The following ROBO1 variants were observed in gnomAD, a reference collection of about 807,000 sequenced individuals.
ROBO1 encodes roundabout guidance receptor 1.
In ROBO1, 149 loss-of-function variants were observed where a neutral mutation model predicts 195.9. The ratio of observed to expected loss-of-function variants is 0.76; its 90% CI spans 0.67 to 0.87. The LOEUF is 0.87. Ranked by LOEUF, ROBO1 falls within the 40% of genes least tolerant of loss-of-function variation. ROBO1 has a pLI of 0.00. For synonymous variants in ROBO1, 816 were observed against 733.2 expected (o/e 1.11, Z -1.82); for missense variants, 1,933 against 2,068.3 (o/e 0.93, Z 1.27).
At chr3:78,691,465 G>A (rs779653404) in intron 8 of ROBO1, among the ~76,000 whole-genome samples, 19 of 152,052 alleles carry the variant, frequency 1.2e-4, no homozygotes, top group Non-Finnish European at 2.6e-4. Context: ...TTTAAGGACT[G>A]TTTAATAAAC....
intron 4 of ROBO1, among the ~76,000 whole-genome samples, chr3:78,816,665 C>A (rs1445312406): frequency 6.6e-6 from 1 of 152,106 alleles, no homozygotes; most frequent in Non-Finnish European, 1.5e-5. Flanking sequence ...TTTATTTCAA[C>A]CCTCATGAAT....
intron 2 of ROBO1, among the ~76,000 whole-genome samples, chr3:79,235,681 C>A (rs544939493): frequency 1.0e-3 from 158 of 152,212 alleles, no homozygotes; most frequent in Non-Finnish European, 1.6e-3. Flanking sequence ...AGTGCTGTTT[C>A]CTTTTCCCAC....
intron 2 of ROBO1, among the ~76,000 whole-genome samples, chr3:79,442,319 G>C (rs1227968696): frequency 2.0e-5 from 3 of 152,018 alleles, no homozygotes; most frequent in Non-Finnish European, 4.4e-5. Context: ...TATTGTGGTG[G>C]TAATATAAAA....
rs56857468 is a variant in ROBO1, at chr3:79,617,921, TAAAA to T, written c.-50-27964_-50-27961del. Among the ~76,000 whole-genome samples, 520 of 144,418 alleles carry T rather than the reference TAAAA, an allele frequency of 3.6e-3. 2 individuals are homozygous for T. Among genetic ancestry groups the T allele is most frequent in the Non-Finnish European group, 4.7e-3 (311 of 66,438 alleles). The allele number at this position is 144,418 out of a possible 152,430, so 94.7% of individuals were successfully genotyped here. ...TGAAAAATTGACTAAAGAGATATAT[TAAAA>T]AAAAAAAAAAGAACTTCTGGAAATA... is the stretch of plus-strand genomic sequence containing the variant. On this transcript the variant is annotated intron_variant, in intron 1 of 30. Transcript: ENST00000464233.
intron 1 of ROBO1, among the ~76,000 whole-genome samples, chr3:79,746,426 T>C (rs1703879795): frequency 6.6e-6 from 1 of 152,094 alleles, no homozygotes; most frequent in Admixed American, 6.5e-5. Context: ...TAAACCATAA[T>C]TATTTTACAA....
At chr3:78,912,645 T>A (rs942234934) in intron 4 of ROBO1, among the ~76,000 whole-genome samples, 2 of 152,174 alleles carry the variant, frequency 1.3e-5, no homozygotes, top group Non-Finnish European at 2.9e-5. Context: ...GTATTTGTGA[T>A]AATATCATCA....
chr3:79,354,486 C>T (rs1559840182), intron 2 of ROBO1, among the ~76,000 whole-genome samples: 1 of 152,138 alleles, frequency 6.6e-6, no homozygotes, highest in Non-Finnish European at 1.5e-5. Flanking sequence ...ACTGGAACTG[C>T]CTAGGAGAAT....
chr3:79,490,171 C>A (rs764230730), intron 2 of ROBO1, among the ~76,000 whole-genome samples: 41 of 152,078 alleles, frequency 2.7e-4, no homozygotes, highest in Admixed American at 5.9e-4. Flanking sequence ...GCTTTTTTAT[C>A]TCTTACTAGA....
chr3:79,297,807 CT>C (rs1451922361), intron 2 of ROBO1, among the ~76,000 whole-genome samples: 1 of 152,042 alleles, frequency 6.6e-6, no homozygotes, highest in African/African-American at 2.4e-5. Context: ...AATAAGCCAA[CT>C]GCTAGGATTT....
At chr3:79,664,611 C>T (rs1293619985) in intron 1 of ROBO1, among the ~76,000 whole-genome samples, 3 of 152,020 alleles carry the variant, frequency 2.0e-5, no homozygotes, top group Non-Finnish European at 4.4e-5. Context: ...TGGCAGCTAT[C>T]GTCTTCTTAC....
At chr3:79,056,127 T>A (rs2108383920) in intron 3 of ROBO1, among the ~76,000 whole-genome samples, 1 of 152,228 alleles carries the variant, frequency 6.6e-6, no homozygotes, top group Middle Eastern at 3.4e-3. Context: ...TCTTAAAGAT[T>A]GTTTTTTTCA....
chr3:79,462,384 G>T (rs551841038), intron 2 of ROBO1, among the ~76,000 whole-genome samples: 29 of 152,294 alleles, frequency 1.9e-4, no homozygotes, highest in African/African-American at 6.0e-4. Flanking sequence ...TCAAAGGCAT[G>T]TTGGAGAATG....
At position 78,717,816 on chromosome 3, in the gene ROBO1, C is replaced by T. The variant is rs2081940506; in HGVS notation, c.725G>A (p.Gly242Asp). 6.2e-7 allele frequency: 1 copy of T among 1,613,578 alleles called. No homozygotes were observed. The highest frequency in any genetic ancestry group is 8.5e-7 in the Non-Finnish European group (1 of 1,179,724). Residue 242 changes from glycine to aspartate, a missense_variant, in exon 6 of 31, where the codon GGT becomes GAT. Transcript: ENST00000464233. ...CTCACGTTCCCCAACCATATTGGTACCAACACAAACATATTTGCCAGCGTC... is the reference window on the plus strand; with the variant it reads ...CTCACGTTCCCCAACCATATTGGTATCAACACAAACATATTTGCCAGCGTC... ...KSDAGKYVCV[G>D]TNMVGERESE...
At chr3:78,646,971 G>T (rs1706333741) in intron 20 of ROBO1, among the ~76,000 whole-genome samples, 1 of 151,974 alleles carries the variant, frequency 6.6e-6, no homozygotes, top group African/African-American at 2.4e-5. Context: ...TTTTAAAGCT[G>T]CCAAGTTCTG....
chr3:79,099,032 A>G (rs909815643), intron 3 of ROBO1, among the ~76,000 whole-genome samples: 1 of 151,750 alleles, frequency 6.6e-6, no homozygotes, highest in East Asian at 1.9e-4. Context: ...ATAGTATGTG[A>G]CTAATTTTTT....
At chr3:78,962,823 CAAAAAAAAAAA>C (rs770515270) in intron 3 of ROBO1, among the ~76,000 whole-genome samples, 6 of 26,218 alleles carry the variant, frequency 2.3e-4, no homozygotes, top group Non-Finnish European at 3.1e-4. Flanking sequence ...GACTCCATCT[CAAAAAAAAAAA>C]AAAAAAAAAA....
At chr3:78,982,627 CT>C (rs566497410) in intron 3 of ROBO1, among the ~76,000 whole-genome samples, 59 of 152,050 alleles carry the variant, frequency 3.9e-4, no homozygotes, top group African/African-American at 1.4e-3. Context: ...GTAAATTTTA[CT>C]TTTTTCTTTT....
intron 4 of ROBO1, among the ~76,000 whole-genome samples, chr3:78,882,927 C>T (rs2036272122): frequency 6.6e-6 from 1 of 151,786 alleles, no homozygotes; most frequent in Non-Finnish European, 1.5e-5. Context: ...ATGATCCTGC[C>T]TCAGCCTCCC....
chr3:79,463,160 T>C (rs145062737), intron 2 of ROBO1, among the ~76,000 whole-genome samples: 5,229 of 152,028 alleles, frequency 0.034, 208 homozygotes, highest in African/African-American at 0.098. Context: ...GATTGCGAGG[T>C]CAGGAGATCA....
Sources: gnomAD v4.1 joint callset for allele counts (sites outside exome capture counted in the v4.1 genomes callset) on GRCh38, gnomAD v4.1.1 for gene constraint, MANE v1.5 for transcripts, NCBI Gene and HGNC (gene_info 2026-07-23, HGNC 2026-07-21) for gene names.